Variants in CEP350 observed in about 807,000 individuals in gnomAD.
The protein encoded by CEP350 is centrosomal protein 350.
Under a neutral mutation model 331.8 loss-of-function variants are expected in CEP350, and 126 were observed. The observed-to-expected ratio is 0.38, with a 90% CI of 0.33 to 0.44. The LOEUF is 0.44. Among genes scored for constraint, CEP350 ranks in the 20% least tolerant of loss-of-function variants. The probability of loss-of-function intolerance (pLI) is 1.00; values close to 1 mark genes in which losing one functional copy is unlikely to be tolerated. For synonymous variants in CEP350, 1,200 were observed against 1,259.5 expected (o/e 0.95, Z 1.00); for missense variants, 3,406 against 3,634.6 (o/e 0.94, Z 1.62).
chr1:180,033,831 C>T, intron 15 of CEP350, 31 bp from the exon 16 acceptor site: 1 of 1,599,400 alleles, frequency 6.3e-7, no homozygotes, highest in Non-Finnish European at 8.6e-7. Context: ...CTTTTCCTTC[C>T]TCTAATGTTT....
chr1:180,003,641 T>C (rs1014432201), intron 7 of CEP350, among the ~76,000 whole-genome samples: 10 of 152,228 alleles, frequency 6.6e-5, no homozygotes, highest in Middle Eastern at 3.4e-3. Context: ...AGGCAGCAGG[T>C]AAGATACTTA....
Position 180,087,669 on chromosome 1 carries a change from C to T in CEP350, c.6377C>T (p.Ser2126Phe), listed in dbSNP as rs1659944179. 1 of 1,581,754 alleles carries T rather than the reference C, an allele frequency of 6.3e-7. No individual in the cohort carries two copies. Among genetic ancestry groups the T allele is most frequent in the Non-Finnish European group, 8.6e-7 (1 of 1,162,266 alleles). Residue 2126 changes from serine (S) to phenylalanine (F), a missense_variant, in exon 32 of 38, where the codon TCC becomes TTC. Transcript: ENST00000367607. ...GCCAAGCCTCAGATTAAAACGCTCT[C>T]CTCAGCTTCTGAAAAACCCAAGATC... ...PTAKPQIKTLSSASEKPKIKP... is the reference protein window; with the variant it reads ...PTAKPQIKTLFSASEKPKIKP...
intron 36 of CEP350, among the ~76,000 whole-genome samples, 182 bp from the exon 37 acceptor site, chr1:180,098,681 C>G (rs1302652131): frequency 6.6e-6 from 1 of 152,152 alleles, no homozygotes; most frequent in Non-Finnish European, 1.5e-5. Context: ...TGAATAAAGT[C>G]TCAGCATTTG....
At chr1:180,049,005 C>G (rs1175098316) in intron 22 of CEP350, among the ~76,000 whole-genome samples, 1 of 152,086 alleles carries the variant, frequency 6.6e-6, no homozygotes, top group Admixed American at 6.6e-5. Context: ...GATATCAAGT[C>G]TACAGTGAGC....
At chr1:179,959,518 G>A (rs1236182272) in intron 1 of CEP350, among the ~76,000 whole-genome samples, 1 of 152,150 alleles carries the variant, frequency 6.6e-6, no homozygotes, top group Non-Finnish European at 1.5e-5. Flanking sequence ...ACTTTGGGAG[G>A]CTGAGGCGGG....
At chr1:180,013,338 A>C (rs1205468116) in intron 9 of CEP350, among the ~76,000 whole-genome samples, 1 of 152,166 alleles carries the variant, frequency 6.6e-6, no homozygotes, top group Non-Finnish European at 1.5e-5. Context: ...AGAAAAACTA[A>C]TATTTTCAGT....
At chr1:180,109,165 C>T (rs1661334203) in intron 37 of CEP350, among the ~76,000 whole-genome samples, 1 of 148,068 alleles carries the variant, frequency 6.8e-6, no homozygotes, top group Non-Finnish European at 1.5e-5. Context: ...GTCGCCTAGG[C>T]TGGAGTGCAG....
At chr1:179,965,462 G>A (rs988332897) in intron 1 of CEP350, among the ~76,000 whole-genome samples, 2 of 151,996 alleles carry the variant, frequency 1.3e-5, no homozygotes, top group Non-Finnish European at 2.9e-5. Flanking sequence ...ATGCTTTGAC[G>A]TTCTGTTTCT....
intron 1 of CEP350, among the ~76,000 whole-genome samples, chr1:179,971,032 G>GTTT (rs202043163): frequency 2.1e-5 from 3 of 140,146 alleles, no homozygotes; most frequent in Admixed American, 7.1e-5. Flanking sequence ...GTTGTTGTTT[G>GTTT]TTTTTTTTTT....
intron 15 of CEP350, among the ~76,000 whole-genome samples, chr1:180,031,993 T>C (rs1440425737): frequency 6.6e-6 from 1 of 151,916 alleles, no homozygotes; most frequent in Non-Finnish European, 1.5e-5. Context: ...TGTCTTATTG[T>C]TTATTTCTTC....
Position 180,075,105 on chromosome 1 carries a change from C to G in CEP350, c.5651C>G (p.Ala1884Gly), listed in dbSNP as rs1275255903. 1 of 1,613,424 alleles carries G rather than the reference C, an allele frequency of 6.2e-7. No homozygotes were observed. The highest frequency in any genetic ancestry group is 8.5e-7 in the Non-Finnish European group (1 of 1,179,678). The change falls in exon 28 of 38, where the codon GCA becomes GGA. Residue 1884 changes from alanine to glycine, a missense_variant. Physicochemically the swap from Ala to Gly is moderately conservative, Grantham distance 60. Around this residue, in one of 5 missense-constraint regions of CEP350, gnomAD observed 1,415 missense variants for 1,512.3 expected, o/e 0.94. Coordinates refer to ENST00000367607, the MANE Select transcript of CEP350 (RefSeq NM_014810.5). Reference protein sequence around the residue: ...ELLEWKRRLDAEEAEIRQMEK... With the variant: ...ELLEWKRRLDGEEAEIRQMEK... ...CTAGAGTGGAAGCGACGTTTAGATGCAGAAGAAGCAGAAATTCGTCAAATG... is the reference window on the plus strand; with the variant it reads ...CTAGAGTGGAAGCGACGTTTAGATGGAGAAGAAGCAGAAATTCGTCAAATG...
chr1:180,041,387 G>A, intron 18 of CEP350, 139 bp downstream of exon 18: 1 of 695,868 alleles, frequency 1.4e-6, no homozygotes, highest in Admixed American at 3.2e-5. Context: ...ATGGGATAAT[G>A]CCATGTAATT....
chr1:180,093,396 A>T lies in CEP350; in HGVS notation c.7291A>T (p.Ser2431Cys). The change falls in exon 34 of 38, where the codon AGT becomes TGT. Residue 2431 changes from serine to cysteine, a missense_variant. Physicochemically the swap from Ser to Cys is moderately radical, Grantham distance 112 (BLOSUM62 -1). This residue lies in a region of CEP350 where 1,415 missense variants were observed against 1,512.3 expected (regional missense o/e 0.94). Coordinates refer to ENST00000367607, the MANE Select transcript of CEP350 (RefSeq NM_014810.5). ...TACAAGTGGAGCCACTAGCTTTGGT[A>T]GTAATGAGGAAATCAGTGAGTGCCT... ...SSTSGATSFG[S>C]NEEISECLSE... is the part of the protein sequence containing the mutation. The T allele has an allele frequency of 6.3e-7, 1 of 1,599,162 alleles. No individual in the cohort carries two copies. The highest frequency in any genetic ancestry group is 8.5e-7 in the Non-Finnish European group (1 of 1,172,492).
At chr1:180,037,183 GA>G (rs943140023) in intron 17 of CEP350, 94 bp downstream of exon 17, 11 of 1,135,170 alleles carry the variant, frequency 9.7e-6, no homozygotes, top group Non-Finnish European at 1.2e-5. Context: ...GTGTCAAATA[GA>G]AAAAAATAGT....
chr1:179,990,589 C>G lies in CEP350; in HGVS notation c.203C>G (p.Ser68Cys), dbSNP rs115186595. The change falls in exon 4 of 38, where the codon TCT becomes TGT. Residue 68 changes from serine to cysteine, a missense_variant. Physicochemically the swap from Ser to Cys is moderately radical, Grantham distance 112. Around this residue, in one of 5 missense-constraint regions of CEP350, gnomAD observed 1,857 missense variants for 1,909.2 expected, o/e 0.97. Transcript: ENST00000367607. ...CDSVMDTKKS[S>C]TSATRKISRK... ...TCTGTCATGGATACCAAGAAGTCTT[C>G]TACAAGTGCTACTCGAAAAATAAGT... 3,187 of 1,600,324 alleles carry G rather than the reference C, an allele frequency of 2.0e-3. 45 individuals are homozygous for G. In the African/African-American group the frequency reaches 0.029, roughly 15 times the overall value.
At chr1:180,031,622 C>G (rs1656027647) in intron 15 of CEP350, 128 bp downstream of exon 15, 1 of 388,952 alleles carries the variant, frequency 2.6e-6, no homozygotes, top group Non-Finnish European at 4.5e-6. Context: ...CTACAAAATT[C>G]TGTATTTTAC....
At chr1:179,969,056 C>A in intron 1 of CEP350, 1 of 731,012 alleles carries the variant, frequency 1.4e-6, no homozygotes, top group South Asian at 1.4e-5. Flanking sequence ...TTAGGTTAAC[C>A]TACCTACCAT....
At chr1:180,080,471 CA>C in intron 29 of CEP350, 45 bp from the exon 30 acceptor site, 1 of 1,550,508 alleles carries the variant, frequency 6.4e-7, no homozygotes, top group Non-Finnish European at 8.8e-7. Flanking sequence ...TAGAATTTTA[CA>C]ATTATATCAA....
rs1383645774 is a variant in CEP350, at chr1:180,013,954, A to G, written c.1501A>G (p.Ile501Val). The change falls in exon 10 of 38, where the codon ATA becomes GTA. Residue 501 changes from isoleucine to valine, a missense_variant. Around this residue, in one of 5 missense-constraint regions of CEP350, gnomAD observed 1,857 missense variants for 1,909.2 expected, o/e 0.97. Coordinates refer to ENST00000367607, the MANE Select transcript of CEP350 (RefSeq NM_014810.5). ...SRSKSRSENN[I>V]KKLASSLPDN... ...AAGTAAATCTCGGTCTGAAAATAAT[A>G]TAAAGAAACTAGCTTCATCTCTTCC... 3.7e-6 allele frequency: 6 copies of G among 1,613,830 alleles called. No individual in the cohort carries two copies. The highest frequency in any genetic ancestry group is 5.1e-6 in the Non-Finnish European group (6 of 1,179,742).
Sources: gnomAD v4.1 joint callset for allele counts (sites outside exome capture counted in the v4.1 genomes callset) on GRCh38, gnomAD v4.1.1 for gene constraint, gnomAD v4.1.1 regional missense constraint, MANE v1.5 for transcripts, NCBI Gene and HGNC (gene_info 2026-07-23, HGNC 2026-07-21) for gene names.